The following PCDHA5 variants were observed in gnomAD, a reference collection of about 807,000 sequenced individuals.
PCDHA5 encodes the protein protocadherin alpha-5.
A neutral mutation model predicts 61.6 loss-of-function variants in PCDHA5; 43 were observed. The observed-to-expected ratio is 0.70, with a 90% CI of 0.55 to 0.90. PCDHA5 has a LOEUF of 0.90. Among genes scored for constraint, PCDHA5 ranks in the 40% least tolerant of loss-of-function variants. The pLI is 0.00. For synonymous variants in PCDHA5, 627 were observed against 543.9 expected, an observed-to-expected ratio of 1.15 and a Z score of -2.13; for missense variants, 1,298 against 1,222.7, an observed-to-expected ratio of 1.06 and a Z score of -0.92.
chr5:140,831,107 C>T (rs1479291703), intron 1 of PCDHA5: 8 of 152,120 alleles, frequency 5.3e-5, no homozygotes, highest in Non-Finnish European at 8.8e-5. Context: ...AGTTATCAGC[C>T]TGAATACTTC....
chr5:140,967,841 A>G, intron 1 of PCDHA5: 1 of 1,614,114 alleles, frequency 6.2e-7, no homozygotes, highest in Non-Finnish European at 8.5e-7. Flanking sequence ...CGTGGACGTG[A>G]ATGACAATGC....
chr5:140,860,192 C>CATATATATATATATATATATATATATAT (rs143984774), intron 1 of PCDHA5: 29 of 146,842 alleles, frequency 2.0e-4, no homozygotes, highest in South Asian at 1.3e-3. Context: ...GCTCTCCTTA[C>CATATATATATATATATATATATATATAT]ATATATATCT....
chr5:140,834,477 C>T lies in PCDHA5; in HGVS notation c.2352+10350C>T, dbSNP rs1554134251. Reference sequence around the variant, plus strand: ...TTGGGAGGCAGGGAGAGGCCAGCTCCACTACTCGGTCCCCGAGGAGGCTAA... The same window carrying T: ...TTGGGAGGCAGGGAGAGGCCAGCTCTACTACTCGGTCCCCGAGGAGGCTAA... On this transcript the variant is annotated intron_variant, in intron 1 of 3. Coordinates refer to ENST00000529859, the MANE Select transcript of PCDHA5 (RefSeq NM_018908.3). 3.7e-6 allele frequency: 6 copies of T among 1,614,174 alleles called. No individual in the cohort carries two copies. Among genetic ancestry groups the T allele is most frequent in the South Asian group, 2.2e-5 (2 of 91,082 alleles).
intron 1 of PCDHA5, chr5:140,862,418 G>A (rs868906297): frequency 8.8e-5 from 31 of 352,850 alleles, no homozygotes; most frequent in African/African-American, 6.4e-4. Flanking sequence ...AAAAGGCGCT[G>A]CCCAGAAACT....
At chr5:140,840,225 A>G (rs1261642002) in intron 1 of PCDHA5, among the ~76,000 whole-genome samples, 2 of 152,034 alleles carry the variant, frequency 1.3e-5, no homozygotes, top group Non-Finnish European at 2.9e-5. Flanking sequence ...CATATGAGTA[A>G]ATGTGGAGAA....
rs200436467 is a variant in PCDHA5 at position 140,883,790 on chromosome 5, G to A, written c.2352+59663G>A. 640 of 1,612,406 alleles carry A rather than the reference G, an allele frequency of 4.0e-4. No individual in the cohort carries two copies. The highest frequency in any genetic ancestry group is 5.2e-4 in the Non-Finnish European group (616 of 1,179,760). ...GGGCGAGCGTGCGCTGTCGAGCTAC[G>A]TGTCGGTGCACGCGGAGAGCGGCAA... is the stretch of plus-strand genomic sequence containing the variant. On this transcript the variant is annotated intron_variant, in intron 1 of 3. Transcript: ENST00000529859.
chr5:140,963,838 T>C (rs1414191733), intron 1 of PCDHA5, among the ~76,000 whole-genome samples: 3 of 152,254 alleles, frequency 2.0e-5, no homozygotes, highest in Admixed American at 1.3e-4. Context: ...CATTTTCTCA[T>C]GTAATCATAA....
chr5:140,845,303 T>C (rs937124524), intron 1 of PCDHA5, among the ~76,000 whole-genome samples: 1 of 149,684 alleles, frequency 6.7e-6, no homozygotes, highest in African/African-American at 2.4e-5. Flanking sequence ...TATGTCTACC[T>C]GGTTCTCAGG....
At chr5:140,914,654 T>C (rs2076794688) in intron 1 of PCDHA5, among the ~76,000 whole-genome samples, 1 of 152,202 alleles carries the variant, frequency 6.6e-6, no homozygotes, top group Non-Finnish European at 1.5e-5. Flanking sequence ...CTCTCCCTTC[T>C]TTCCATCTTC....
At chr5:140,841,225 C>T (rs1777101106) in intron 1 of PCDHA5, 1 of 1,448,206 alleles carries the variant, frequency 6.9e-7, no homozygotes, top group Non-Finnish European at 9.3e-7. Context: ...GGCCGAACAA[C>T]GGGAGATGCA....
chr5:140,987,850 A>G lies in PCDHA5; in HGVS notation c.2500+5287A>G, dbSNP rs115051779. Among the ~76,000 whole-genome samples, 1,266 of 152,242 alleles carry G rather than the reference A, an allele frequency of 8.3e-3. 21 individuals are homozygous for G. Among genetic ancestry groups the G allele is most frequent in the African/African-American group, 0.028 (1,145 of 41,532 alleles). On this transcript the variant is annotated intron_variant, in intron 3 of 3. Coordinates refer to ENST00000529859, the MANE Select transcript of PCDHA5 (RefSeq NM_018908.3). ...GGGATTGCTTTTGCCCTGATTTGCCACATCTCTTTACTCTGTGGAAAATGG... is the reference window on the plus strand; with the variant it reads ...GGGATTGCTTTTGCCCTGATTTGCCGCATCTCTTTACTCTGTGGAAAATGG...
At chr5:140,866,641 A>C (rs567516921) in intron 1 of PCDHA5, 3 of 152,226 alleles carry the variant, frequency 2.0e-5, no homozygotes, top group African/African-American at 2.4e-5. Flanking sequence ...ACGGTGTCAA[A>C]ATTTATTTAT....
chr5:140,842,046 T>C (rs1554138752), intron 1 of PCDHA5: 1 of 1,613,856 alleles, frequency 6.2e-7, no homozygotes, highest in African/African-American at 1.3e-5. Flanking sequence ...GCTCCCACTT[T>C]CGAACAGTCT....
In PCDHA5 at chr5:140,844,977, T is replaced by C. The variant is rs1326529919; in HGVS notation, c.2352+20850T>C. On this transcript the variant is annotated intron_variant, in intron 1 of 3. Transcript: ENST00000529859. ...TTCTTACAGTTTGTTATTAGTATTGTTTTAAATCTTTTAATCACTTATGAA... is the reference window on the plus strand; with the variant it reads ...TTCTTACAGTTTGTTATTAGTATTGCTTTAAATCTTTTAATCACTTATGAA... 1.3e-5 allele frequency among the ~76,000 whole-genome samples: 2 copies of C among 149,260 alleles called. 1 individual carries two copies. Among genetic ancestry groups the C allele is most frequent in the Non-Finnish European group, 3.0e-5 (2 of 66,708 alleles).
Position 140,821,873 on chromosome 5 carries a change from C to T in PCDHA5, c.98C>T (p.Ser33Leu), listed in dbSNP as rs144627570. The change falls in exon 1 of 4, where the codon TCG (serine) becomes TTG (leucine). Residue 33 changes from serine to leucine, a missense_variant. Coordinates refer to ENST00000529859, the MANE Select transcript of PCDHA5 (RefSeq NM_018908.3). The part of the protein sequence containing the change: ...WKAGSGQLHY[S>L]IPEEAKHGTF... ...GCAGGGAGCGGCCAGCTCCACTACT[C>T]GATCCCGGAGGAAGCCAAACACGGA... is the stretch of plus-strand genomic sequence containing the variant. 1.3e-5 allele frequency: 21 copies of T among 1,614,092 alleles called. No individual in the cohort carries two copies. Among genetic ancestry groups the T allele is most frequent in the African/African-American group, 6.7e-5 (5 of 74,940 alleles).
intron 3 of PCDHA5, among the ~76,000 whole-genome samples, chr5:140,993,224 G>A (rs547665525): frequency 6.6e-6 from 1 of 152,210 alleles, no homozygotes; most frequent in East Asian, 1.9e-4. Context: ...TTTTTGGTAT[G>A]TTCTCTCTGA....
chr5:140,842,856 C>G, intron 1 of PCDHA5: 1 of 1,593,922 alleles, frequency 6.3e-7, no homozygotes, highest in Non-Finnish European at 8.6e-7. Flanking sequence ...TCGGTGCACA[C>G]GGAGAGCGGC....
At chr5:140,827,022 A>G (rs1294814001) in intron 1 of PCDHA5, among the ~76,000 whole-genome samples, 2 of 152,218 alleles carry the variant, frequency 1.3e-5, no homozygotes, top group African/African-American at 4.8e-5. Context: ...TAAAAATATG[A>G]ATTTAAAAAT....
intron 1 of PCDHA5, among the ~76,000 whole-genome samples, chr5:140,961,917 T>G (rs2095643057): frequency 6.6e-6 from 1 of 151,470 alleles, no homozygotes; most frequent in Non-Finnish European, 1.5e-5. Flanking sequence ...GGAGTCTCGC[T>G]CTGTTGCCCA....
Sources: allele counts gnomAD v4.1 joint callset (sites outside exome capture counted in the v4.1 genomes callset), GRCh38; gene constraint gnomAD v4.1.1; transcripts MANE v1.5; gene names NCBI Gene and HGNC (gene_info 2026-07-23, HGNC 2026-07-21).